Variants in CHN1 observed in about 807,000 individuals in gnomAD.
CHN1 encodes the protein N-chimaerin.
Under a neutral mutation model 59.5 loss-of-function variants are expected in CHN1, and 37 were observed. That is an observed-to-expected ratio of 0.62 (90% confidence interval 0.48 to 0.82). The LOEUF (loss-of-function observed/expected upper bound fraction) is 0.82, where lower values mean the gene tolerates loss of function less well. Among genes scored for constraint, CHN1 ranks in the 40% least tolerant of loss-of-function variants. The pLI, the probability that CHN1 is intolerant of heterozygous loss-of-function variation, is 0.00. For synonymous variants in CHN1, 206 were observed against 200.4 expected, an observed-to-expected ratio of 1.03 and a Z score of -0.24; for missense variants, 469 against 571.0, an observed-to-expected ratio of 0.82 and a Z score of 1.82.
chr2:174,927,945 T>C (rs1158693911), intron 3 of CHN1, among the ~76,000 whole-genome samples: 2 of 152,288 alleles, frequency 1.3e-5, no homozygotes, highest in African/African-American at 4.8e-5. Context: ...CTAGAGAATA[T>C]GTATATAAAG....
intron 6 of CHN1, among the ~76,000 whole-genome samples, chr2:174,875,475 C>T (rs769690115): frequency 6.6e-6 from 1 of 152,212 alleles, no homozygotes; most frequent in South Asian, 2.1e-4. Flanking sequence ...AGAAGAACCA[C>T]ATCTTGGAGA....
intron 6 of CHN1, among the ~76,000 whole-genome samples, chr2:174,877,493 C>T (rs950732334): frequency 6.6e-6 from 1 of 152,050 alleles, no homozygotes; most frequent in African/African-American, 2.4e-5. Context: ...GATAATGCAA[C>T]CCCCTCAATT....
chr2:174,942,334 A>G (rs116534957), intron 3 of CHN1, among the ~76,000 whole-genome samples: 6,615 of 152,244 alleles, frequency 0.043, 512 homozygotes, highest in African/African-American at 0.15. Flanking sequence ...AGCCATTAAA[A>G]AGAATGAAAT....
At chr2:174,968,191 G>C in intron 1 of CHN1, among the ~76,000 whole-genome samples, 1 of 152,118 alleles carries the variant, frequency 6.6e-6, no homozygotes, top group East Asian at 1.9e-4. Context: ...TCACATCACA[G>C]GTAACTGAGA....
intron 6 of CHN1, chr2:174,847,827 A>T (rs1487108007): frequency 1.7e-5 from 8 of 483,074 alleles, no homozygotes; most frequent in Non-Finnish European, 3.1e-5. Flanking sequence ...TGAGAAATGA[A>T]TGAGTCATGC....
intron 5 of CHN1, among the ~76,000 whole-genome samples, chr2:174,903,076 T>G (rs1320799945): frequency 2.0e-5 from 3 of 152,238 alleles, no homozygotes; most frequent in African/African-American, 4.8e-5. Flanking sequence ...CCTTGCTTAA[T>G]AGAATTTTAT....
chr2:174,841,293 A>T (rs1040703526), intron 7 of CHN1, among the ~76,000 whole-genome samples: 3 of 152,126 alleles, frequency 2.0e-5, no homozygotes, highest in Non-Finnish European at 4.4e-5. Flanking sequence ...TGAGGTTGAG[A>T]GGGCCACCGT....
chr2:174,841,745 T>A (rs1686309718), intron 7 of CHN1, among the ~76,000 whole-genome samples: 1 of 152,330 alleles, frequency 6.6e-6, no homozygotes, highest in East Asian at 1.9e-4. Context: ...ACATTATTCC[T>A]TTAAAATGTT....
At chr2:174,820,194 TG>T (rs1366057008) in intron 8 of CHN1, among the ~76,000 whole-genome samples, 4 of 152,194 alleles carry the variant, frequency 2.6e-5, no homozygotes, top group Non-Finnish European at 5.9e-5. Flanking sequence ...AGTAATGGGA[TG>T]GCTGGGTCAA....
intron 1 of CHN1, among the ~76,000 whole-genome samples, chr2:174,974,591 A>G (rs1318772567): frequency 6.6e-6 from 1 of 152,204 alleles, no homozygotes; most frequent in African/African-American, 2.4e-5. Flanking sequence ...AATTAGATCA[A>G]ATTGTTTTCT....
At position 174,808,893 on chromosome 2, in the gene CHN1, A is replaced by T. The variant is rs1426694787; in HGVS notation, c.1102+12T>A. 4 of 1,613,368 alleles carry T rather than the reference A, an allele frequency of 2.5e-6. No individual in the cohort carries two copies. The highest frequency in any genetic ancestry group is 3.3e-5 in the Admixed American group (2 of 59,978). On this transcript the variant is annotated intron_variant, in intron 11 of 12. Transcript: ENST00000409900. ...TTGTCAGGTTATTTGAAATACATGC[A>T]TTCATACTTACTGGCAGATTCTATA...
At chr2:174,875,214 C>T (rs1314988372) in intron 6 of CHN1, among the ~76,000 whole-genome samples, 2 of 152,116 alleles carry the variant, frequency 1.3e-5, no homozygotes, top group Non-Finnish European at 2.9e-5. Context: ...TTCATCAAAC[C>T]TATTTGAGCA....
At chr2:174,990,210 C>T (rs372074044) in intron 1 of CHN1, among the ~76,000 whole-genome samples, 1,495 of 143,738 alleles carry the variant, frequency 0.01, 28 homozygotes, top group African/African-American at 0.037. Flanking sequence ...TTGGTGTGTG[C>T]GGGGTGTGTG....
At chr2:174,990,258 TGTGTGAGA>T (rs1401511531) in intron 1 of CHN1, among the ~76,000 whole-genome samples, 947 of 94,664 alleles carry the variant, frequency 0.01, 15 homozygotes, top group African/African-American at 0.031. Flanking sequence ...TGTGTGTGTG[TGTGTGAGA>T]GAGAGAGAGA....
chr2:174,940,573 G>A (rs1239512068), intron 3 of CHN1, among the ~76,000 whole-genome samples: 1 of 151,708 alleles, frequency 6.6e-6, no homozygotes, highest in Non-Finnish European at 1.5e-5. Context: ...TAAACCCAGG[G>A]CAGATGTCTT....
rs535938542 is a variant in CHN1 at position 174,930,924 on chromosome 2, G to A, written c.115-12359C>T. Reference sequence around the variant, plus strand: ...GGGACTACAGGCATGCACCACCTACGCCAGGCTAATTTTTTCTGTATTTTC... The same window carrying A: ...GGGACTACAGGCATGCACCACCTACACCAGGCTAATTTTTTCTGTATTTTC... On this transcript the variant is annotated intron_variant, in intron 3 of 12. Coordinates refer to ENST00000409900, the MANE Select transcript of CHN1 (RefSeq NM_001822.7). Among the ~76,000 whole-genome samples, 5 of 151,974 alleles carry A rather than the reference G, an allele frequency of 3.3e-5. No individual in the cohort carries two copies. In the East Asian group the frequency reaches 7.8e-4, roughly 24 times the overall value.
At chr2:174,929,609 C>A (rs376929494) in intron 3 of CHN1, among the ~76,000 whole-genome samples, 1 of 151,916 alleles carries the variant, frequency 6.6e-6, no homozygotes, top group South Asian at 2.1e-4. Context: ...TTGAGAAAAC[C>A]CTTTGCGAAA....
In CHN1 at chr2:175,005,141, A is replaced by G; in HGVS notation, c.-229T>C. On this transcript the variant is annotated 5_prime_UTR_variant, in exon 1 of 13. The change abolishes the stop of an existing upstream ORF in the 5' untranslated region. Transcript: ENST00000409900. ...CGCACCGGGCCCAGGGAGCCCCGCT[A>G]GCTCTCCGCGAGCCGGCACTTGTCG... 4.6e-6 allele frequency: 6 copies of G among 1,296,350 alleles called. No individual in the cohort carries two copies. Among genetic ancestry groups the G allele is most frequent in the Non-Finnish European group, 5.9e-6 (6 of 1,020,250 alleles). 80.3% of individuals were successfully genotyped at this position (1,296,350 alleles called of 1,614,324 possible).
intron 1 of CHN1, among the ~76,000 whole-genome samples, chr2:174,958,311 G>A (rs931152230): frequency 2.6e-5 from 4 of 152,106 alleles, no homozygotes; most frequent in African/African-American, 7.2e-5. Context: ...ATCCTTTCCC[G>A]GCAATAACCA....
Sources: gnomAD v4.1 joint callset for allele counts (sites outside exome capture counted in the v4.1 genomes callset) on GRCh38, gnomAD v4.1.1 for gene constraint, MANE v1.5 for transcripts, NCBI Gene and HGNC (gene_info 2026-07-23, HGNC 2026-07-21) for gene names.